Variants in ZNF445 observed in about 807,000 individuals in gnomAD.
The protein encoded by ZNF445 is zinc finger protein 168.
Under a neutral mutation model 93.9 loss-of-function variants are expected in ZNF445, and 19 were observed. The observed-to-expected ratio is 0.20, with a 90% CI of 0.14 to 0.30. The LOEUF is 0.30. Ranked by LOEUF, ZNF445 falls within the 10% of genes least tolerant of loss-of-function variation. The probability of loss-of-function intolerance (pLI) is 1.00; values close to 1 mark genes in which losing one functional copy is unlikely to be tolerated. For synonymous variants in ZNF445, 449 were observed against 446.3 expected, an observed-to-expected ratio of 1.01 and a Z score of -0.08; for missense variants, 1,058 against 1,259.4, an observed-to-expected ratio of 0.84 and a Z score of 2.42.
At chr3:44,464,478 T>C (rs1026024402) in intron 1 of ZNF445, among the ~76,000 whole-genome samples, 8 of 152,208 alleles carry the variant, frequency 5.3e-5, no homozygotes, top group African/African-American at 1.9e-4. Flanking sequence ...ATCAAATATT[T>C]TGTCAGAAAA....
chr3:44,455,436 C>T lies in ZNF445; in HGVS notation c.114G>A (p.Val38=), dbSNP rs748660628. ...KEEEDESYTP[V]QAARPQTLNR... ...TGAGAGTCTGTGGCCTGGCAGCCTGCACTGGAGTATAGCTTTCATCCTCTT... is the reference window on the plus strand; with the variant it reads ...TGAGAGTCTGTGGCCTGGCAGCCTGTACTGGAGTATAGCTTTCATCCTCTT... Residue 38 remains valine, a synonymous_variant, in exon 3 of 8, where the codon GTG becomes GTA. Transcript: ENST00000396077. 6.2e-7 allele frequency: 1 copy of T among 1,614,220 alleles called. No homozygotes were observed. Among genetic ancestry groups the T allele is most frequent in the Admixed American group, 1.7e-5 (1 of 60,030 alleles).
intron 1 of ZNF445, among the ~76,000 whole-genome samples, chr3:44,458,708 C>T (rs1451732867): frequency 6.6e-6 from 1 of 152,068 alleles, no homozygotes; most frequent in Non-Finnish European, 1.5e-5. Context: ...CCTCCTTTCA[C>T]CTGCTCCTTT....
chr3:44,449,641 A>C lies in ZNF445; in HGVS notation c.821-18T>G. On this transcript the variant is annotated intron_variant, in intron 6 of 7. Coordinates refer to ENST00000396077, the MANE Select transcript of ZNF445 (RefSeq NM_181489.6). ...TGGTCCCACTGCAGAAGAGAAGAGA[A>C]TGGCATGAGAAGGGAGATGGATGAC... 1.3e-6 allele frequency: 2 copies of C among 1,588,512 alleles called. No individual in the cohort carries two copies. The highest frequency in any genetic ancestry group is 1.7e-6 in the Non-Finnish European group (2 of 1,157,088).
chr3:44,477,441 G>C (rs544814759), intron 1 of ZNF445, 150 bp downstream of exon 1: 1 of 151,860 alleles, frequency 6.6e-6, no homozygotes, highest in South Asian at 2.1e-4. Flanking sequence ...TGGCGGGGGC[G>C]GGATCCACCG....
chr3:44,446,641 C>T lies in ZNF445; in HGVS notation c.3030G>A (p.Lys1010=), dbSNP rs1346428488. The change falls in exon 8 of 8, where the codon AAG becomes AAA. Residue 1010 remains lysine, a synonymous_variant. Coordinates refer to ENST00000396077, the MANE Select transcript of ZNF445 (RefSeq NM_181489.6). This position sits in a 1 kb window ranked among gnomAD's most constrained non-coding sequence, Gnocchi z 4.2. The part of the protein sequence containing the change: ...HTRERPFKCS[K]CGKTFRWSSN... The stretch of plus-strand genomic sequence containing the variant: ...AAGACCACCTGAAGGTCTTTCCACA[C>T]TTGCTGCATTTGAAGGGCCTCTCTC... 2 of 1,614,100 alleles carry T rather than the reference C, an allele frequency of 1.2e-6. No individual in the cohort carries two copies. The highest frequency in any genetic ancestry group is 1.3e-5 in the African/African-American group (1 of 74,936).
chr3:44,477,287 C>A (rs972297130), intron 1 of ZNF445, among the ~76,000 whole-genome samples: 1 of 152,246 alleles, frequency 6.6e-6, no homozygotes, highest in Non-Finnish European at 1.5e-5. Context: ...TTTTCTTCTA[C>A]TTTCCCGTGT....
intron 1 of ZNF445, among the ~76,000 whole-genome samples, chr3:44,473,252 C>G (rs1006014205): frequency 6.6e-6 from 1 of 151,908 alleles, no homozygotes; most frequent in African/African-American, 2.4e-5. Context: ...GTTGGGAGTT[C>G]GAGACCAGCC....
At chr3:44,454,871 T>C (rs1483763869) in intron 3 of ZNF445, 1 of 538,930 alleles carries the variant, frequency 1.9e-6, no homozygotes, top group Non-Finnish European at 3.3e-6. Context: ...GCCCAGAAGT[T>C]GCTGTTATTT....
At chr3:44,463,577 A>G (rs902993493) in intron 1 of ZNF445, among the ~76,000 whole-genome samples, 1 of 152,234 alleles carries the variant, frequency 6.6e-6, no homozygotes, top group Non-Finnish European at 1.5e-5. Context: ...GGGGTATCAG[A>G]AATTACTTCG....
Position 44,444,778 on chromosome 3 carries a change from T to G in ZNF445, c.*1797A>C, listed in dbSNP as rs986928158. On this transcript the variant is annotated 3_prime_UTR_variant, in exon 8 of 8. Transcript: ENST00000396077. ...CCTGCTCATGGCAATCCAGAGCAGG[T>G]AAGATTATTCCATACTCTACTGAAA... The G allele has an allele frequency of 3.9e-5, 6 of 152,062 alleles. No homozygotes were observed. Among genetic ancestry groups the G allele is most frequent in the Non-Finnish European group, 5.9e-5 (4 of 68,034 alleles). 9.4% of individuals were successfully genotyped at this position (152,062 alleles called of 1,614,324 possible). A position where few individuals can be genotyped will look rare whatever the true frequency, so the allele number is the denominator to read the frequency against.
intron 1 of ZNF445, among the ~76,000 whole-genome samples, chr3:44,473,474 CACACACACACACACACAA>C (rs1446130094): frequency 1.6e-5 from 2 of 125,390 alleles, no homozygotes; most frequent in South Asian, 3.9e-4. Flanking sequence ...CACACACACA[CACACACACACACACACAA>C]AAAATGCTTT....
chr3:44,470,388 T>G (rs1698252067), intron 1 of ZNF445, among the ~76,000 whole-genome samples: 2 of 152,224 alleles, frequency 1.3e-5, no homozygotes, highest in Admixed American at 1.3e-4. Flanking sequence ...CGCATGTATG[T>G]GAATGTACCT....
intron 2 of ZNF445, among the ~76,000 whole-genome samples, chr3:44,457,248 C>T (rs538784771): frequency 4.9e-4 from 75 of 152,198 alleles, no homozygotes; most frequent in African/African-American, 1.7e-3. Context: ...GAGGAGTCCA[C>T]ACCTGTGATA....
intron 2 of ZNF445, among the ~76,000 whole-genome samples, chr3:44,456,749 C>T (rs912988125): frequency 6.6e-5 from 10 of 152,188 alleles, no homozygotes; most frequent in African/African-American, 1.7e-4. Context: ...GTTGATTTTA[C>T]GACCCAACAA....
chr3:44,455,024 T>C (rs1245722487), intron 3 of ZNF445, 97 bp downstream of exon 3: 2 of 1,474,524 alleles, frequency 1.4e-6, no homozygotes, highest in Admixed American at 3.6e-5. Context: ...CCTGCACTCC[T>C]CTATATTGAC....
chr3:44,458,047 G>GT (rs1341860128), intron 2 of ZNF445, among the ~76,000 whole-genome samples, 197 bp downstream of exon 2: 5 of 145,310 alleles, frequency 3.4e-5, no homozygotes, highest in African/African-American at 1.3e-4. Flanking sequence ...AGACTTAAAC[G>GT]TAAGCCATAA....
intron 1 of ZNF445, among the ~76,000 whole-genome samples, chr3:44,463,011 T>TTGTGTG (rs61329186): frequency 2.1e-3 from 309 of 144,556 alleles, no homozygotes; most frequent in African/African-American, 2.9e-3. Flanking sequence ...ATTTTTTTCT[T>TTGTGTG]TGTGTGTGTG....
rs1697753854 is a variant in ZNF445, at chr3:44,439,018, A to AAC, written c.*7556_*7557insGT. ...TGTACCCTAAAAGTATAAAAAAAAAAAAAACAAGGACTCCAGGCATGGTGG... is the reference window on the plus strand; with the variant it reads ...TGTACCCTAAAAGTATAAAAAAAAAAACAAAACAAGGACTCCAGGCATGGTGG... On this transcript the variant is annotated 3_prime_UTR_variant, in exon 8 of 8. Coordinates refer to ENST00000396077, the MANE Select transcript of ZNF445 (RefSeq NM_181489.6). The AAC allele has an allele frequency of 6.6e-6, 1 of 151,450 alleles. No individual in the cohort carries two copies. Among genetic ancestry groups the AAC allele is most frequent in the South Asian group, 2.1e-4 (1 of 4,778 alleles). The allele number at this position is 151,450 out of a possible 1,614,324, so 9.4% of individuals were successfully genotyped here.
At chr3:44,466,366 T>C (rs1559399036) in intron 1 of ZNF445, among the ~76,000 whole-genome samples, 1 of 152,194 alleles carries the variant, frequency 6.6e-6, no homozygotes, top group Non-Finnish European at 1.5e-5. Flanking sequence ...AGTCCAAAAA[T>C]GACATTTGGC....
Sources: gnomAD v4.1 joint callset for allele counts (sites outside exome capture counted in the v4.1 genomes callset) on GRCh38, gnomAD v4.1.1 for gene constraint, Gnocchi (gnomAD v3.1) non-coding constraint, MANE v1.5 for transcripts, NCBI Gene and HGNC (gene_info 2026-07-23, HGNC 2026-07-21) for gene names.